MTTP: variants seen among roughly 807,000 people sequenced by gnomAD.
The protein encoded by MTTP is microsomal triglyceride transfer protein large subunit.
Under a neutral mutation model 90.6 loss-of-function variants are expected in MTTP, and 49 were observed. The ratio of observed to expected loss-of-function variants is 0.54; its 90% CI spans 0.43 to 0.69. The LOEUF is 0.69. MTTP is among the 30% of genes least tolerant of loss of function. The pLI, the probability that MTTP is intolerant of heterozygous loss-of-function variation, is 0.00. For missense variants in MTTP, 945 were observed against 1,067.5 expected (o/e 0.89, Z 1.60); for synonymous variants, 347 against 384.2 (o/e 0.90, Z 1.13).
At chr4:99,565,731 G>A (rs1724672516) in intron 1 of MTTP, among the ~76,000 whole-genome samples, 1 of 152,162 alleles carries the variant, frequency 6.6e-6, no homozygotes, top group African/African-American at 2.4e-5. Flanking sequence ...TTGAGGCAGA[G>A]GACATAGTTT....
intron 3 of MTTP, among the ~76,000 whole-genome samples, chr4:99,587,417 C>T (rs1274373300): frequency 6.6e-6 from 1 of 151,980 alleles, no homozygotes; most frequent in Admixed American, 6.6e-5. Context: ...TTCAGCCTGC[C>T]AGGAGGGAAA....
rs28595160 is a variant in MTTP, at chr4:99,581,665, G to T, written c.62-240G>T. Among the ~76,000 whole-genome samples the T allele has an allele frequency of 0.26, 39,847 of 151,882 alleles. 5,388 individuals carry two copies. The highest frequency in any genetic ancestry group is 0.35 in the South Asian group (1,672 of 4,814). On this transcript the variant is annotated intron_variant, in intron 1 of 17. Coordinates refer to ENST00000265517, the MANE Select transcript of MTTP (RefSeq NM_001386140.1). ...TCTATAGTTCAACCATGGCACTATC[G>T]GATAAGTGATTAGGAATACAAACTA...
chr4:99,574,900 G>A lies in MTTP; in HGVS notation c.-10G>A, dbSNP rs1368537858. On this transcript the variant is annotated 5_prime_UTR_variant, in exon 1 of 18. Coordinates refer to ENST00000265517, the MANE Select transcript of MTTP (RefSeq NM_001386140.1). ...TGGGCACTGGATGCAGTTGAGGATT[G>A]CTGGTCAATATGATTCTTCTTGCTG... is the stretch of plus-strand genomic sequence containing the variant. 8.7e-6 allele frequency: 14 copies of A among 1,614,042 alleles called. No individual in the cohort carries two copies. Among genetic ancestry groups the A allele is most frequent in the Non-Finnish European group, 1.0e-5 (12 of 1,179,998 alleles).
chr4:99,611,294 G>A, intron 13 of MTTP, 38 bp from the exon 14 acceptor site: 1 of 1,613,866 alleles, frequency 6.2e-7, no homozygotes, highest in Non-Finnish European at 8.5e-7. Context: ...TAGCATTGCT[G>A]GAACTGCTAT....
chr4:99,575,699 G>A (rs1378267296), intron 1 of MTTP, among the ~76,000 whole-genome samples: 1 of 152,188 alleles, frequency 6.6e-6, no homozygotes, highest in Non-Finnish European at 1.5e-5. Context: ...CTGTTGTGAA[G>A]TGTATTAATA....
At chr4:99,612,782 T>A (rs1725992312) in intron 14 of MTTP, 131 bp from the exon 15 acceptor site, 1 of 790,942 alleles carries the variant, frequency 1.3e-6, no homozygotes, top group South Asian at 1.5e-5. Flanking sequence ...TTTTAGTTTT[T>A]GTTTTTAGCT....
intron 11 of MTTP, among the ~76,000 whole-genome samples, chr4:99,607,833 G>A (rs1005216567): frequency 1.3e-5 from 2 of 152,150 alleles, no homozygotes; most frequent in African/African-American, 4.8e-5. Context: ...TTTATTGAAT[G>A]TAAGAGATGT....
chr4:99,619,000 A>C lies in MTTP; in HGVS notation c.2244A>C (p.Lys748Asn). Residue 748 changes from lysine (K) to asparagine (N), a missense_variant, in exon 16 of 18, where the codon AAA becomes AAC. By Grantham distance (94) the Lys-to-Asn change is moderately conservative. Coordinates refer to ENST00000265517, the MANE Select transcript of MTTP (RefSeq NM_001386140.1). ...AACTTCAGTTACAATCTGGACTAAA[A>C]GCCAATATAGAGGTCCAGGGTGGTC... ...SQELQLQSGL[K>N]ANIEVQGGLA... 6.2e-7 allele frequency: 1 copy of C among 1,613,354 alleles called. No homozygotes were observed.
chr4:99,564,166 C>T lies in MTTP; in HGVS notation c.-173C>T, dbSNP rs906780210. On this transcript the variant is annotated 5_prime_UTR_variant, in exon 1 of 19. Transcript: ENST00000457717. ...GTGTTTTGGGAGTGGGAGGTAGTTACAGTGATGTCTGTTTTTTCCCGTTCA... is the reference window on the plus strand; with the variant it reads ...GTGTTTTGGGAGTGGGAGGTAGTTATAGTGATGTCTGTTTTTTCCCGTTCA... 27 of 1,535,362 alleles carry T rather than the reference C, an allele frequency of 1.8e-5. No homozygotes were observed. In the Admixed American group the frequency reaches 3.9e-4, roughly 22 times the overall value.
chr4:99,598,243 T>C (rs1427765092), intron 8 of MTTP, among the ~76,000 whole-genome samples: 1 of 152,184 alleles, frequency 6.6e-6, no homozygotes, highest in Non-Finnish European at 1.5e-5. Flanking sequence ...TCAGGCTCTG[T>C]TTTAATTACA....
intron 5 of MTTP, 87 bp from the exon 6 acceptor site, chr4:99,591,564 T>C: frequency 6.9e-7 from 1 of 1,446,664 alleles, no homozygotes. Context: ...AAGCTGTTTG[T>C]AGACTGAAAG....
intron 4 of MTTP, 152 bp downstream of exon 4, chr4:99,589,902 A>G (rs1725372455): frequency 3.1e-6 from 2 of 651,462 alleles, no homozygotes; most frequent in African/African-American, 3.6e-5. Context: ...AACAATTGCC[A>G]TTTATCCCAA....
At chr4:99,612,843 A>C in intron 14 of MTTP, 70 bp from the exon 15 acceptor site, 1 of 1,422,676 alleles carries the variant, frequency 7.0e-7, no homozygotes, top group Non-Finnish European at 9.9e-7. Context: ...GCTGCAGCTC[A>C]GAAGCTTCAC....
chr4:99,579,538 C>T (rs1296577252), intron 1 of MTTP, among the ~76,000 whole-genome samples: 1 of 152,178 alleles, frequency 6.6e-6, no homozygotes, highest in African/African-American at 2.4e-5. Context: ...TCCAAAATGT[C>T]ACCTTTCCAC....
upstream of MTTP, among the ~76,000 whole-genome samples, chr4:99,571,438 T>C (rs1724840537): frequency 6.6e-6 from 1 of 151,984 alleles, no homozygotes; most frequent in Non-Finnish European, 1.5e-5. Context: ...CTTTAAATGC[T>C]AGCAATTCAG....
chr4:99,581,325 G>A (rs554694848), intron 1 of MTTP, among the ~76,000 whole-genome samples: 18 of 152,098 alleles, frequency 1.2e-4, no homozygotes, highest in South Asian at 4.2e-4. Flanking sequence ...TATTTTATTC[G>A]GGCACAGCTA....
intron 6 of MTTP, among the ~76,000 whole-genome samples, chr4:99,593,385 G>T (rs1452434277): frequency 3.3e-5 from 5 of 150,708 alleles, no homozygotes; most frequent in Non-Finnish European, 7.4e-5. Context: ...TAATTTTTAA[G>T]AGTTTTTAAA....
At chr4:99,564,225 T>A in exon 1 of MTTP, 1 of 1,535,714 alleles carries the variant, frequency 6.5e-7, no homozygotes, top group Non-Finnish European at 8.7e-7. Flanking sequence ...CGTGTATTCA[T>A]TCATATATTC....
At position 99,591,635 on chromosome 4, in the gene MTTP, CTATTTATT is replaced by C. The variant is rs755155385; in HGVS notation, c.619-9_619-2del. ...CGATGATTACTTGTTATAAAGATGG[CTATTTATT>C]TATTTAGGTCTTGGGTGTCAGTTCA... On this transcript the variant is annotated splice_polypyrimidine_tract_variant and splice_region_variant and intron_variant, in intron 5 of 17. Transcript: ENST00000265517. 1 of 1,607,122 alleles carries C rather than the reference CTATTTATT, an allele frequency of 6.2e-7. No homozygotes were observed. The highest frequency in any genetic ancestry group is 2.2e-5 in the East Asian group (1 of 44,760).
Sources: gnomAD v4.1 joint callset for allele counts (sites outside exome capture counted in the v4.1 genomes callset) on GRCh38, gnomAD v4.1.1 for gene constraint, MANE v1.5 for transcripts, NCBI Gene and HGNC (gene_info 2026-07-23, HGNC 2026-07-21) for gene names.